The following FLRT1 variants were observed in gnomAD, a reference collection of about 807,000 sequenced individuals.
FLRT1 encodes the protein leucine-rich repeat transmembrane protein FLRT1.
Under a neutral mutation model 30.9 loss-of-function variants are expected in FLRT1, and 14 were observed. The observed-to-expected ratio is 0.45, with a 90% CI of 0.30 to 0.71. The LOEUF (loss-of-function observed/expected upper bound fraction) is 0.71. Ranked by LOEUF, FLRT1 falls within the 30% of genes least tolerant of loss-of-function variation. The probability of loss-of-function intolerance (pLI) is 0.08; values close to 1 mark genes in which losing one functional copy is unlikely to be tolerated. For synonymous variants in FLRT1, 368 were observed against 430.4 expected, an observed-to-expected ratio of 0.85 and a Z score of 1.80; for missense variants, 737 against 949.2, an observed-to-expected ratio of 0.78 and a Z score of 2.94.
At chr11:64,065,525 C>A (rs1048928265) in intron 1 of FLRT1, among the ~76,000 whole-genome samples, 1 of 152,164 alleles carries the variant, frequency 6.6e-6, no homozygotes, top group African/African-American at 2.4e-5. Context: ...CGCGGTGGCT[C>A]ATGCCTGTAA....
At chr11:64,079,572 G>A (rs558899049) in intron 1 of FLRT1, among the ~76,000 whole-genome samples, 1 of 152,200 alleles carries the variant, frequency 6.6e-6, no homozygotes, top group Non-Finnish European at 1.5e-5. Context: ...CGGGCACAGA[G>A]AGGAGTCCAG....
chr11:64,088,165 C>T (rs889453952), intron 1 of FLRT1, among the ~76,000 whole-genome samples: 2 of 152,174 alleles, frequency 1.3e-5, no homozygotes, highest in Non-Finnish European at 2.9e-5. Context: ...AGTTGAACCC[C>T]GCAGGGACCC....
chr11:64,057,823 G>A (rs1943818206), intron 1 of FLRT1, among the ~76,000 whole-genome samples: 1 of 152,242 alleles, frequency 6.6e-6, no homozygotes, highest in South Asian at 2.1e-4. Flanking sequence ...GGGTCCAGCA[G>A]GCAGCAGCAC....
intron 2 of FLRT1, among the ~76,000 whole-genome samples, chr11:64,108,648 G>A (rs993020167): frequency 3.9e-5 from 6 of 152,246 alleles, no homozygotes; most frequent in African/African-American, 1.4e-4. Context: ...GTGGGACTGG[G>A]GTCCCACTGG....
chr11:64,037,605 G>A (rs1943406963), intron 1 of FLRT1, among the ~76,000 whole-genome samples: 1 of 152,152 alleles, frequency 6.6e-6, no homozygotes, highest in African/African-American at 2.4e-5. Context: ...AAGAGCTGAG[G>A]GCTGTCACAT....
At chr11:64,069,316 G>A (rs1472091031) in intron 1 of FLRT1, among the ~76,000 whole-genome samples, 5 of 152,238 alleles carry the variant, frequency 3.3e-5, no homozygotes, top group Admixed American at 1.3e-4. Context: ...AGGCACGGCT[G>A]TCAGCCGAAG....
intron 1 of FLRT1, among the ~76,000 whole-genome samples, chr11:64,061,789 T>C (rs1440477237): frequency 6.6e-6 from 1 of 151,546 alleles, no homozygotes; most frequent in East Asian, 1.9e-4. Context: ...AGCCTCAACT[T>C]CCTGGGCTCA....
intron 1 of FLRT1, among the ~76,000 whole-genome samples, chr11:64,050,589 CAGTG>C (rs1373695350): frequency 2.6e-5 from 4 of 152,238 alleles, no homozygotes; most frequent in Admixed American, 1.3e-4. Context: ...GCCTGGCACA[CAGTG>C]AGGGCTGTCC....
intron 1 of FLRT1, among the ~76,000 whole-genome samples, chr11:64,083,790 T>C (rs1041739225): frequency 6.6e-6 from 1 of 152,054 alleles, no homozygotes; most frequent in African/African-American, 2.4e-5. Context: ...ATTCCCAAGG[T>C]CAAGGGGTGA....
At chr11:64,089,585 G>A (rs113574218) in intron 1 of FLRT1, among the ~76,000 whole-genome samples, 27 of 152,324 alleles carry the variant, frequency 1.8e-4, no homozygotes, top group Admixed American at 3.9e-4. Context: ...CAGAGAAAGC[G>A]GCTGAAAACT....
chr11:64,110,399 G>A (rs560252072), intron 2 of FLRT1, among the ~76,000 whole-genome samples: 4 of 151,712 alleles, frequency 2.6e-5, no homozygotes, highest in East Asian at 3.9e-4. Flanking sequence ...GCAGTGAGCC[G>A]TGATCGGGCC....
At chr11:64,060,549 G>A (rs1943879530) in intron 1 of FLRT1, 1 of 152,242 alleles carries the variant, frequency 6.6e-6, no homozygotes, top group South Asian at 2.1e-4. Flanking sequence ...ACCCAGAGCA[G>A]GCCCCAGCCT....
chr11:64,070,110 C>T (rs1366141318), intron 1 of FLRT1, among the ~76,000 whole-genome samples: 1 of 152,172 alleles, frequency 6.6e-6, no homozygotes, highest in Admixed American at 6.5e-5. Context: ...GCTGTTATCA[C>T]TATTATACCC....
chr11:64,058,316 T>A (rs755220634), intron 1 of FLRT1, among the ~76,000 whole-genome samples: 5 of 152,238 alleles, frequency 3.3e-5, no homozygotes, highest in Non-Finnish European at 7.3e-5. Context: ...TTGGTGCCCA[T>A]CTCAGCCCCC....
rs1264155672 is a variant in FLRT1, at chr11:64,067,924, G to T, written c.-1038+31765G>T. Among the ~76,000 whole-genome samples, 1 of 152,114 alleles carries T rather than the reference G, an allele frequency of 6.6e-6. No individual in the cohort carries two copies. The highest frequency in any genetic ancestry group is 1.9e-4 in the East Asian group (1 of 5,184). On this transcript the variant is annotated intron_variant, in intron 1 of 2. Transcript: ENST00000682287. This position sits in a 1 kb window ranked among gnomAD's most constrained non-coding sequence, Gnocchi z 4.6. The stretch of plus-strand genomic sequence containing the variant: ...CTCGGCTTTTAGGAGGGGGCTGGCG[G>T]TGAACCCATCCCCGTTACAATGCAC...
Position 64,096,997 on chromosome 11 carries a change from G to T in FLRT1, c.-1037-6197G>T, listed in dbSNP as rs146445673. 6.6e-6 allele frequency among the ~76,000 whole-genome samples: 1 copy of T among 152,340 alleles called. No individual in the cohort carries two copies. The highest frequency in any genetic ancestry group is 2.4e-5 in the African/African-American group (1 of 41,570). Reference sequence around the variant, plus strand: ...TTCCTGCCTACCCTTGCTGGGAGGAGATTGCAAAGGCACAAGAGCACTCCA... The same window carrying T: ...TTCCTGCCTACCCTTGCTGGGAGGATATTGCAAAGGCACAAGAGCACTCCA... On this transcript the variant is annotated intron_variant, in intron 1 of 2. Coordinates refer to ENST00000682287, the MANE Select transcript of FLRT1 (RefSeq NM_013280.5). This position sits in a 1 kb window ranked among gnomAD's most constrained non-coding sequence, Gnocchi z 4.6.
At chr11:64,100,874 A>G (rs570791620) in intron 1 of FLRT1, among the ~76,000 whole-genome samples, 2 of 152,304 alleles carry the variant, frequency 1.3e-5, no homozygotes, top group Non-Finnish European at 2.9e-5. Flanking sequence ...TGGGGGCTGC[A>G]GCAGGGAAGG....
At chr11:64,072,941 T>C (rs1172311747) in intron 1 of FLRT1, among the ~76,000 whole-genome samples, 1 of 152,148 alleles carries the variant, frequency 6.6e-6, no homozygotes, top group Non-Finnish European at 1.5e-5. Context: ...TTCCCCAAAG[T>C]GGAACCCTCT....
intron 1 of FLRT1, among the ~76,000 whole-genome samples, chr11:64,053,070 T>G: frequency 6.6e-6 from 1 of 152,208 alleles, no homozygotes. Flanking sequence ...AATGTGGGGC[T>G]TCTGATTCCC....
Sources: gnomAD v4.1 joint callset for allele counts (sites outside exome capture counted in the v4.1 genomes callset) on GRCh38, gnomAD v4.1.1 for gene constraint, Gnocchi (gnomAD v3.1) non-coding constraint, MANE v1.5 for transcripts, NCBI Gene and HGNC (gene_info 2026-07-23, HGNC 2026-07-21) for gene names.